Variants in KIF26B observed in about 807,000 individuals in gnomAD.
KIF26B encodes the protein kinesin-like protein KIF26B.
A neutral mutation model predicts 151.2 loss-of-function variants in KIF26B; 63 were observed. The ratio of observed to expected loss-of-function variants is 0.42; its 90% CI spans 0.34 to 0.51. KIF26B has a LOEUF of 0.51. KIF26B is among the 20% of genes least tolerant of loss of function. The pLI, the probability that KIF26B is intolerant of heterozygous loss-of-function variation, is 0.07. For missense variants in KIF26B, 2,813 were observed against 2,913.6 expected, an observed-to-expected ratio of 0.97 and a Z score of 0.79; for synonymous variants, 1,357 against 1,262.1, an observed-to-expected ratio of 1.08 and a Z score of -1.59.
intron 5 of KIF26B, among the ~76,000 whole-genome samples, chr1:245,576,142 T>G (rs551762477): frequency 2.0e-4 from 30 of 152,152 alleles, no homozygotes; most frequent in Non-Finnish European, 3.8e-4. Flanking sequence ...GAATGAAATA[T>G]AACAATTAAG....
intron 3 of KIF26B, among the ~76,000 whole-genome samples, chr1:245,383,865 C>G (rs1673474699): frequency 6.6e-6 from 1 of 152,190 alleles, no homozygotes; most frequent in South Asian, 2.1e-4. Context: ...CCCATCTGCT[C>G]TCCACTGAGA....
chr1:245,473,241 G>A (rs921968872), intron 4 of KIF26B, among the ~76,000 whole-genome samples: 4 of 152,200 alleles, frequency 2.6e-5, no homozygotes, highest in African/African-American at 7.2e-5. Flanking sequence ...AGCTGCAAAC[G>A]CCTTTGTTTT....
chr1:245,679,869 G>T (rs1167091925), intron 10 of KIF26B, among the ~76,000 whole-genome samples: 1 of 152,034 alleles, frequency 6.6e-6, no homozygotes, highest in Non-Finnish European at 1.5e-5. Flanking sequence ...CCTTCCTCAG[G>T]CCCCCGTCAG....
intron 10 of KIF26B, among the ~76,000 whole-genome samples, chr1:245,677,271 C>T (rs974078724): frequency 1.3e-5 from 2 of 152,174 alleles, no homozygotes; most frequent in African/African-American, 4.8e-5. Flanking sequence ...ATCGTGTACA[C>T]TGCCGAATGA....
Position 245,318,230 on chromosome 1 carries a change from TGTAA to T in KIF26B, c.466-48602_466-48599del, listed in dbSNP as rs1427123474. Among the ~76,000 whole-genome samples the T allele has an allele frequency of 1.3e-5, 2 of 152,182 alleles. No homozygotes were observed. The highest frequency in any genetic ancestry group is 3.9e-4 in the East Asian group (2 of 5,182). Reference sequence around the variant, plus strand: ...TAAGTACACACAACAGACAGGGCACTGTAAGACAAAACAAATCAATCAGTCAACG... The same window carrying T: ...TAAGTACACACAACAGACAGGGCACTGACAAAACAAATCAATCAGTCAACG... On this transcript the variant is annotated intron_variant, in intron 2 of 14. Coordinates refer to ENST00000407071, the MANE Select transcript of KIF26B (RefSeq NM_018012.4). The surrounding 1 kb of genome is among the most constrained non-coding windows in gnomAD (Gnocchi z 4.0).
chr1:245,289,650 CT>C (rs1225026191), intron 2 of KIF26B, among the ~76,000 whole-genome samples: 1 of 151,602 alleles, frequency 6.6e-6, no homozygotes, highest in Non-Finnish European at 1.5e-5. Flanking sequence ...AATTTCTTTC[CT>C]TTTTTGGGGG....
chr1:245,346,109 G>T (rs59178569), intron 2 of KIF26B, among the ~76,000 whole-genome samples: 28,178 of 149,576 alleles, frequency 0.19, 3,292 homozygotes, highest in African/African-American at 0.34. Context: ...ATTTTTTTTT[G>T]TGTGTGTGTA....
chr1:245,686,269 G>T lies in KIF26B; in HGVS notation c.3286G>T (p.Gly1096Trp), dbSNP rs763091304. The T allele has an allele frequency of 2.5e-6, 4 of 1,612,792 alleles. No individual in the cohort carries two copies. The highest frequency in any genetic ancestry group is 2.5e-6 in the Non-Finnish European group (3 of 1,179,886). The change falls in exon 12 of 15, where the codon GGG becomes TGG. Residue 1096 changes from glycine to tryptophan, a missense_variant. Gly to Trp is a radical substitution (Grantham distance 184, BLOSUM62 -2). Coordinates refer to ENST00000407071, the MANE Select transcript of KIF26B (RefSeq NM_018012.4). This position sits in a 1 kb window ranked among gnomAD's most constrained non-coding sequence, Gnocchi z 5.6. ...GAGATGCAAAGTCTACACCCAGAAG[G>T]GGGTCCTGCCGTCTCCCGCCCCACT... is the stretch of plus-strand genomic sequence containing the variant. Reference protein sequence around the residue: ...SQRCKVYTQKGVLPSPAPLPP... With the variant: ...SQRCKVYTQKWVLPSPAPLPP...
chr1:245,167,326 G>A lies in KIF26B; in HGVS notation c.465+10643G>A, dbSNP rs1668632123. Among the ~76,000 whole-genome samples the A allele has an allele frequency of 6.6e-6, 1 of 151,206 alleles. No homozygotes were observed. Among genetic ancestry groups the A allele is most frequent in the Admixed American group, 6.6e-5 (1 of 15,194 alleles). ...CTGAGGTCTGTATATGCTAATTCAG[G>A]ATTTTTTTTCTGAGCTAACCTAGGA... On this transcript the variant is annotated intron_variant, in intron 2 of 14. Transcript: ENST00000407071. This position sits in a 1 kb window ranked among gnomAD's most constrained non-coding sequence, Gnocchi z 4.2.
intron 4 of KIF26B, among the ~76,000 whole-genome samples, chr1:245,449,549 T>A (rs1246953184): frequency 6.6e-6 from 1 of 152,216 alleles, no homozygotes. Flanking sequence ...TCACCTTCTC[T>A]GTGGCTGACG....
At chr1:245,270,849 AC>A (rs1670845244) in intron 2 of KIF26B, among the ~76,000 whole-genome samples, 1 of 152,138 alleles carries the variant, frequency 6.6e-6, no homozygotes, top group Non-Finnish European at 1.5e-5. Context: ...ATGTTTTGAA[AC>A]TTTCCCCCTA....
At chr1:245,566,383 C>T (rs1001362156) in intron 5 of KIF26B, among the ~76,000 whole-genome samples, 3 of 152,212 alleles carry the variant, frequency 2.0e-5, no homozygotes, top group Admixed American at 6.5e-5. Context: ...AGGCTCCTCA[C>T]GGATTTTGCA....
chr1:245,546,146 G>A (rs1233105634), intron 5 of KIF26B, among the ~76,000 whole-genome samples: 4 of 152,216 alleles, frequency 2.6e-5, no homozygotes, highest in Non-Finnish European at 5.9e-5. Context: ...TAGAGGAAGA[G>A]GAGAACAAGA....
chr1:245,289,706 C>T (rs114706208), intron 2 of KIF26B, among the ~76,000 whole-genome samples: 2,141 of 136,758 alleles, frequency 0.016, 44 homozygotes, highest in African/African-American at 0.056. Flanking sequence ...GATAGGATTC[C>T]CAATTTTTCT....
chr1:245,250,882 G>A (rs1037009818), intron 2 of KIF26B, among the ~76,000 whole-genome samples: 1 of 152,136 alleles, frequency 6.6e-6, no homozygotes, highest in Non-Finnish European at 1.5e-5. Context: ...TAACTCACTA[G>A]GTTGCTCAAG....
chr1:245,647,731 C>T (rs978020935), intron 10 of KIF26B, among the ~76,000 whole-genome samples: 1 of 152,122 alleles, frequency 6.6e-6, no homozygotes, highest in Non-Finnish European at 1.5e-5. Flanking sequence ...TTTTCTTCCC[C>T]TCAGCCCTAT....
chr1:245,668,043 A>C (rs937101761), intron 10 of KIF26B, among the ~76,000 whole-genome samples: 5 of 152,098 alleles, frequency 3.3e-5, no homozygotes, highest in South Asian at 2.1e-4. Flanking sequence ...TTACAGGCAC[A>C]CGCCACCACG....
chr1:245,286,399 A>T (rs1027902366), intron 2 of KIF26B, among the ~76,000 whole-genome samples: 2 of 152,208 alleles, frequency 1.3e-5, no homozygotes, highest in Admixed American at 1.3e-4. Context: ...AAAATTAGCC[A>T]GGTGTGATTG....
chr1:245,395,391 CT>C (rs1258176140), intron 3 of KIF26B, among the ~76,000 whole-genome samples: 1 of 152,040 alleles, frequency 6.6e-6, no homozygotes, highest in African/African-American at 2.4e-5. Flanking sequence ...TATGAAATAA[CT>C]TTCAAAAACA....
Sources: allele counts gnomAD v4.1 joint callset (sites outside exome capture counted in the v4.1 genomes callset), GRCh38; gene constraint gnomAD v4.1.1; non-coding constraint Gnocchi (gnomAD v3.1); transcripts MANE v1.5; gene names NCBI Gene and HGNC (gene_info 2026-07-23, HGNC 2026-07-21).